The following EIF2S3 variants were observed in gnomAD, a reference collection of about 807,000 sequenced individuals.
EIF2S3 encodes the protein eukaryotic translation initiation factor 2 subunit gamma, also known as eukaryotic translation initiation factor 2 subunit 3.
EIF2S3 carries 2 observed loss-of-function variants against 31.7 expected under a neutral mutation model. The observed-to-expected ratio is 0.06, with a 90% confidence interval of 0.03 to 0.20. The LOEUF (loss-of-function observed/expected upper bound fraction) is 0.20. Among genes scored for constraint, EIF2S3 ranks in the 10% least tolerant of loss-of-function variants. The probability of loss-of-function intolerance (pLI) is 1.00; values close to 1 mark genes in which losing one functional copy is unlikely to be tolerated. For missense variants in EIF2S3, 96 were observed against 359.3 expected (o/e 0.27, Z 5.92); for synonymous variants, 120 against 126.7 (o/e 0.95, Z 0.36).
chrX:24,071,453 G>A (rs2147130771), intron 9 of EIF2S3, 105 bp from the exon 10 acceptor site: 1 of 885,941 alleles, frequency 1.1e-6, no homozygotes, highest in Non-Finnish European at 1.6e-6. Flanking sequence ...GCCTCCCAAA[G>A]TGCTGGGATT....
Position 24,076,921 on chromosome X carries a change from A to G in EIF2S3, c.*136A>G, listed in dbSNP as rs1182097205. On this transcript the variant is annotated 3_prime_UTR_variant, in exon 12 of 12. Transcript: ENST00000253039. ...TACCTTAGTAGGTAACGGTAAGGTT[A>G]TTCTCTTTTTTTTTTTTTTTTTTTT... 5.5e-5 allele frequency: 8 copies of G among 146,637 alleles called. No individual in the cohort carries two copies. The Admixed American group carries it at 7.5e-4, about 14-fold the overall frequency. The allele number at this position is 146,637 out of a possible 1,213,427, so 12.1% of individuals were successfully genotyped here.
At chrX:24,067,686 G>A (rs1930599501) in intron 8 of EIF2S3, among the ~76,000 whole-genome samples, 1 of 108,675 alleles carries the variant, frequency 9.2e-6, no homozygotes, top group African/African-American at 3.3e-5. Flanking sequence ...TGCCTCCCAG[G>A]TTCTAGCAAT....
intron 9 of EIF2S3, among the ~76,000 whole-genome samples, chrX:24,069,377 A>C (rs1270136066): frequency 1.2e-5 from 1 of 82,077 alleles, no homozygotes; most frequent in Non-Finnish European, 2.4e-5. Flanking sequence ...ACTCTGTCTC[A>C]AAAAAAAAAA....
chrX:24,055,730 C>T (rs1602038696), intron 2 of EIF2S3, 52 bp downstream of exon 2: 2 of 1,114,556 alleles, frequency 1.8e-6, no homozygotes, highest in Non-Finnish European at 2.5e-6. Flanking sequence ...TAATTTTAAC[C>T]TCACTTTTTG....
intron 5 of EIF2S3, among the ~76,000 whole-genome samples, chrX:24,062,157 T>G (rs1045945163): frequency 9.0e-6 from 1 of 111,167 alleles, no homozygotes; most frequent in African/African-American, 3.3e-5. Flanking sequence ...GGGTAGAATT[T>G]AGTGGCATTA....
intron 5 of EIF2S3, among the ~76,000 whole-genome samples, chrX:24,060,948 CAAAAAAAAAAAA>C (rs35873085): frequency 4.1e-5 from 1 of 24,322 alleles, no homozygotes; most frequent in Admixed American, 8.2e-4. Context: ...AACTACATCT[CAAAAAAAAAAAA>C]AAAAAAAAAA....
At chrX:24,071,176 T>A (rs16997672) in intron 9 of EIF2S3, among the ~76,000 whole-genome samples, 1,998 of 110,060 alleles carry the variant, frequency 0.018, 50 homozygotes, top group African/African-American at 0.063. Context: ...CTTATATGGC[T>A]TTGGGGTATC....
rs761305657 is a variant in EIF2S3 at position 24,057,651 on chromosome X, C to A, written c.280C>A (p.Pro94Thr). The change falls in exon 4 of 12, where the codon CCA (proline) becomes ACA (threonine). Residue 94 changes from proline to threonine, a missense_variant. By Grantham distance (38) the Pro-to-Thr change is conservative. Around this residue, in one of 5 missense-constraint regions of EIF2S3, gnomAD observed 22 missense variants for 34.5 expected, o/e 0.64. Coordinates refer to ENST00000253039, the MANE Select transcript of EIF2S3 (RefSeq NM_001415.4). ...ANAKIYKLDD[P>T]SCPRPECYRS... ...ATTTTAGATTTATAAGCTTGATGAC[C>A]CAAGTTGCCCTCGGCCAGAATGTTA... 8.3e-7 allele frequency: 1 copy of A among 1,210,760 alleles called. No homozygotes were observed. The highest frequency in any genetic ancestry group is 1.1e-6 in the Non-Finnish European group (1 of 895,257).
At chrX:24,068,137 T>C (rs1458389425) in intron 9 of EIF2S3, 29 bp downstream of exon 9, 1 of 1,146,347 alleles carries the variant, frequency 8.7e-7, no homozygotes, top group African/African-American at 1.8e-5. Context: ...TCTCTTTTAA[T>C]TTGTGGCTAT....
intron 5 of EIF2S3, among the ~76,000 whole-genome samples, chrX:24,062,131 A>G (rs1319495889): frequency 9.0e-6 from 1 of 111,077 alleles, no homozygotes. Flanking sequence ...AAAATGTACC[A>G]TTTTATGTAT....
rs1930423880 is a variant in EIF2S3, at chrX:24,057,624, A to T, written c.262-9A>T. On this transcript the variant is annotated splice_polypyrimidine_tract_variant and intron_variant, in intron 3 of 11. Coordinates refer to ENST00000253039, the MANE Select transcript of EIF2S3 (RefSeq NM_001415.4). ...AACAAATCAAAATCTTTTTTTATTG[A>T]AATTTTAGATTTATAAGCTTGATGA... The T allele has an allele frequency of 8.3e-7, 1 of 1,206,606 alleles. No homozygotes were observed. The highest frequency in any genetic ancestry group is 2.2e-5 in the Admixed American group (1 of 44,555).
intron 6 of EIF2S3, among the ~76,000 whole-genome samples, chrX:24,063,013 G>T (rs1282170278): frequency 8.9e-6 from 1 of 111,854 alleles, no homozygotes; most frequent in Non-Finnish European, 1.9e-5. Context: ...GGAGGCTGAG[G>T]CAGGTGGATC....
rs111579157 is a variant in EIF2S3 at position 24,077,172 on chromosome X, G to A, written c.*387G>A. The A allele has an allele frequency of 0.017, 1,990 of 118,369 alleles. 46 individuals are homozygous for A. Among genetic ancestry groups the A allele is most frequent in the African/African-American group, 0.062 (1,898 of 30,536 alleles). The allele number at this position is 118,369 out of a possible 1,213,427, so 9.8% of individuals were successfully genotyped here. On this transcript the variant is annotated 3_prime_UTR_variant, in exon 12 of 12. Coordinates refer to ENST00000253039, the MANE Select transcript of EIF2S3 (RefSeq NM_001415.4). The stretch of plus-strand genomic sequence containing the variant: ...CAACCTCTGCCCCCCGGGTTCAAGC[G>A]ATTCTCCTGCCTCAGCCTCCCGAGT...
chrX:24,058,029 A>G (rs1408340462), intron 4 of EIF2S3, among the ~76,000 whole-genome samples: 1 of 112,534 alleles, frequency 8.9e-6, no homozygotes, highest in Non-Finnish European at 1.9e-5. Context: ...GGCTTCCTGA[A>G]TTTCTTTTAA....
rs550758452 is a variant in EIF2S3 at position 24,067,349 on chromosome X, G to C, written c.868-615G>C. 3.4e-4 allele frequency among the ~76,000 whole-genome samples: 38 copies of C among 111,161 alleles called. 1 individual carries two copies. In the South Asian group the frequency reaches 0.013, roughly 39 times the overall value. On this transcript the variant is annotated intron_variant, in intron 8 of 11. Transcript: ENST00000253039. ...CCACCACGCCCAGCTATATTTCTTT[G>C]TTTTCTGTTATGTCTTTTGAATGTG...
intron 9 of EIF2S3, among the ~76,000 whole-genome samples, chrX:24,071,200 T>G (rs1195338732): frequency 2.7e-5 from 3 of 109,236 alleles, no homozygotes; most frequent in Non-Finnish European, 3.8e-5. Flanking sequence ...TTCACTTTTT[T>G]TTTTTTTGGA....
At chrX:24,068,944 A>G (rs1930619362) in intron 9 of EIF2S3, among the ~76,000 whole-genome samples, 1 of 112,183 alleles carries the variant, frequency 8.9e-6, no homozygotes, top group Admixed American at 9.6e-5. Flanking sequence ...TGAAAGATTC[A>G]GTGAGAATTA....
intron 11 of EIF2S3, 169 bp downstream of exon 11, chrX:24,073,432 C>T (rs1930701922): frequency 1.7e-6 from 1 of 592,469 alleles, no homozygotes; most frequent in African/African-American, 2.3e-5. Flanking sequence ...GTGGCTCACG[C>T]CTGTAATCCC....
At chrX:24,064,754 G>A (rs1450416132) in intron 7 of EIF2S3, among the ~76,000 whole-genome samples, 1 of 111,495 alleles carries the variant, frequency 9.0e-6, no homozygotes, top group Non-Finnish European at 1.9e-5. Flanking sequence ...GCGCGAACCC[G>A]GGAAGCGGAG....
Sources: allele counts gnomAD v4.1 joint callset (sites outside exome capture counted in the v4.1 genomes callset), GRCh38; gene constraint gnomAD v4.1.1; regional missense constraint gnomAD v4.1.1; transcripts MANE v1.5; gene names NCBI Gene and HGNC (gene_info 2026-07-23, HGNC 2026-07-21).